Variants in TOMM34 observed in about 807,000 individuals in gnomAD.
TOMM34 encodes the protein translocase of outer mitochondrial membrane 34, also known as mitochondrial import receptor subunit TOM34.
In TOMM34, 24 loss-of-function variants were observed where a neutral mutation model predicts 37.4. The ratio of observed to expected loss-of-function variants is 0.64; its 90% CI spans 0.46 to 0.90. The LOEUF (loss-of-function observed/expected upper bound fraction) is 0.90. Among genes scored for constraint, TOMM34 ranks in the 40% least tolerant of loss-of-function variants. TOMM34 has a pLI of 0.00. For missense variants in TOMM34, 304 were observed against 375.6 expected (o/e 0.81, Z 1.58); for synonymous variants, 154 against 148.9 (o/e 1.03, Z -0.25).
At chr20:44,949,990 T>C (rs2067012799) in intron 4 of TOMM34, among the ~76,000 whole-genome samples, 1 of 152,238 alleles carries the variant, frequency 6.6e-6, no homozygotes, top group Non-Finnish European at 1.5e-5. Flanking sequence ...AGCTCCTTCA[T>C]TTTCATTGCT....
chr20:44,945,154 C>T (rs2066969543), intron 5 of TOMM34, among the ~76,000 whole-genome samples: 1 of 152,178 alleles, frequency 6.6e-6, no homozygotes, highest in Non-Finnish European at 1.5e-5. Context: ...TCTCTCTTTG[C>T]CCCAGACTTT....
intron 1 of TOMM34, 74 bp downstream of exon 1, chr20:44,960,133 C>A: frequency 6.7e-7 from 1 of 1,485,642 alleles, no homozygotes; most frequent in Non-Finnish European, 8.9e-7. Context: ...TGCTGGCCGC[C>A]GCGCGAGGCC....
chr20:44,948,786 C>G lies in TOMM34; in HGVS notation c.642G>C (p.Glu214Asp), dbSNP rs150881340. 9 of 1,614,070 alleles carry G rather than the reference C, an allele frequency of 5.6e-6. No individual in the cohort carries two copies. Among genetic ancestry groups the G allele is most frequent in the Non-Finnish European group, 6.8e-6 (8 of 1,180,028 alleles). The stretch of plus-strand genomic sequence containing the variant: ...TACACAAGAGGCTTTCACTGTACTT[C>G]TCAATAGCTTTCTTATGGTTTCCCT... ...VKKGNHKKAI[E>D]KYSESLLCSN... is the part of the protein sequence containing the mutation. Residue 214 changes from glutamate to aspartate, a missense_variant, in exon 5 of 7, where the codon GAG (glutamate) becomes GAC (aspartate). Transcript: ENST00000372813.
rs910134710 is a variant in TOMM34, at chr20:44,953,777, C to T, written c.380+1291G>A. On this transcript the variant is annotated intron_variant, in intron 3 of 6. Transcript: ENST00000372813. ...CTGACTGGTCCCATTGTTTTCTCTCCACCCTCTCCCCTGGATTGCTGCATG... is the reference window on the plus strand; with the variant it reads ...CTGACTGGTCCCATTGTTTTCTCTCTACCCTCTCCCCTGGATTGCTGCATG... 2.0e-5 allele frequency among the ~76,000 whole-genome samples: 3 copies of T among 152,156 alleles called. No individual in the cohort carries two copies. In the East Asian group the frequency reaches 5.8e-4, roughly 29 times the overall value.
chr20:44,947,342 C>G lies in TOMM34; in HGVS notation c.698+1388G>C, dbSNP rs558588768. Among the ~76,000 whole-genome samples, 169 of 152,298 alleles carry G rather than the reference C, an allele frequency of 1.1e-3. 1 individual carries two copies. The highest frequency in any genetic ancestry group is 3.7e-3 in the African/African-American group (154 of 41,538). On this transcript the variant is annotated intron_variant, in intron 5 of 6. Coordinates refer to ENST00000372813, the MANE Select transcript of TOMM34 (RefSeq NM_006809.5). ...ATTGGGCAGCAAAACCTGATCTGAA[C>G]TGACATGAAGCTATTTAGTTTCTCT...
At chr20:44,950,498 C>T (rs6073573) in intron 4 of TOMM34, among the ~76,000 whole-genome samples, 53 of 152,326 alleles carry the variant, frequency 3.5e-4, no homozygotes, top group Middle Eastern at 3.4e-3. Flanking sequence ...TCCTCTGTGT[C>T]ACACTGCTTA....
rs8113914 is a variant in TOMM34, at chr20:44,960,336, C to G, written c.-3G>C. The G allele has an allele frequency of 1.9e-6, 3 of 1,565,166 alleles. No individual in the cohort carries two copies. The highest frequency in any genetic ancestry group is 1.7e-6 in the Non-Finnish European group (2 of 1,155,258). On this transcript the variant is annotated 5_prime_UTR_variant, in exon 1 of 7. Coordinates refer to ENST00000372813, the MANE Select transcript of TOMM34 (RefSeq NM_006809.5). ...GAGTCTGGGAATTTGGGGGCCATCC[C>G]GTGGCCAGGCCGGCGAGTTGGGAGC... is the stretch of plus-strand genomic sequence containing the variant.
chr20:44,960,179 G>A (rs772241307), intron 1 of TOMM34, 28 bp downstream of exon 1: 5 of 1,546,720 alleles, frequency 3.2e-6, no homozygotes, highest in Middle Eastern at 1.8e-4. Context: ...GAGCAGGCCC[G>A]GAGGTGAGAT....
chr20:44,943,412 T>C, intron 6 of TOMM34, 41 bp downstream of exon 6: 1 of 1,613,660 alleles, frequency 6.2e-7, no homozygotes, highest in Non-Finnish European at 8.5e-7. Context: ...CATAAATCTC[T>C]GTAGCTATGT....
At chr20:44,951,235 A>G (rs1712437914) in intron 4 of TOMM34, among the ~76,000 whole-genome samples, 1 of 152,178 alleles carries the variant, frequency 6.6e-6, no homozygotes, top group African/African-American at 2.4e-5. Context: ...GCTATCAGAG[A>G]AAGACTTTCT....
chr20:44,960,259 G>T lies in TOMM34; in HGVS notation c.75C>A (p.Tyr25Ter). Residue 25 changes from tyrosine to a stop codon, truncating the protein, a stop_gained, in exon 1 of 7, where the codon TAC becomes TAA. Coordinates refer to ENST00000372813, the MANE Select transcript of TOMM34 (RefSeq NM_006809.5). LOFTEE classifies it high-confidence loss of function. ...AGNESFRNGQ[Y>*]AEASALYGRA... ...GGCCGTAGAGCGCGGAGGCCTCGGC[G>T]TACTGGCCGTTGCGGAAACTCTCAT... 6.4e-7 allele frequency: 1 copy of T among 1,572,704 alleles called. No individual in the cohort carries two copies. The highest frequency in any genetic ancestry group is 1.4e-5 in the African/African-American group (1 of 73,322).
At position 44,951,933 on chromosome 20, in the gene TOMM34, C is replaced by T. The variant is rs751386130; in HGVS notation, c.450G>A (p.Val150=). 6.2e-7 allele frequency: 1 copy of T among 1,614,114 alleles called. No homozygotes were observed. Among genetic ancestry groups the T allele is most frequent in the Non-Finnish European group, 8.5e-7 (1 of 1,179,990 alleles). Residue 150 remains valine (V), a synonymous_variant, in exon 4 of 7, where the codon GTG becomes GTA. Coordinates refer to ENST00000372813, the MANE Select transcript of TOMM34 (RefSeq NM_006809.5). ...WRLKLPSIPL[V]PVSAQKRWNS... is the part of the protein sequence containing the mutation. ...TCCACCTCTTCTGAGCTGAAACAGG[C>T]ACCAAGGGGATTGAGGGCAGCTTCA... is the stretch of plus-strand genomic sequence containing the variant.
chr20:44,960,392 C>T lies in TOMM34; in HGVS notation c.-59G>A. 4 of 1,451,898 alleles carry T rather than the reference C, an allele frequency of 2.8e-6. No homozygotes were observed. The highest frequency in any genetic ancestry group is 3.6e-6 in the Non-Finnish European group (4 of 1,097,972). The allele number at this position is 1,451,898 out of a possible 1,614,324, so 89.9% of individuals were successfully genotyped here. The stretch of plus-strand genomic sequence containing the variant: ...CCTTCCTCCCCCGTGTGGTGCGGCA[C>T]ACCTTCCGGGCGCAAGCGCCGGCGG... On this transcript the variant is annotated 5_prime_UTR_variant, in exon 1 of 7. It adds an upstream start codon to the 5' untranslated region. Coordinates refer to ENST00000372813, the MANE Select transcript of TOMM34 (RefSeq NM_006809.5).
chr20:44,947,340 A>C (rs4432517), intron 5 of TOMM34, among the ~76,000 whole-genome samples: 50,670 of 152,062 alleles, frequency 0.33, 9,408 homozygotes, highest in Admixed American at 0.49. Flanking sequence ...ACCTGATCTG[A>C]ACTGACATGA....
chr20:44,955,674 A>G (rs1225313118), intron 2 of TOMM34: 2 of 456,882 alleles, frequency 4.4e-6, no homozygotes. Context: ...CCTGGGACAC[A>G]TGGTAACCGT....
At chr20:44,960,164 TG>T (rs774907011) in intron 1 of TOMM34, 42 bp downstream of exon 1, 3 of 1,532,586 alleles carry the variant, frequency 2.0e-6, no homozygotes, top group Non-Finnish European at 1.8e-6. Context: ...TTGCGGGAGT[TG>T]GAGGAGCAGG....
intron 5 of TOMM34, among the ~76,000 whole-genome samples, chr20:44,943,875 T>C (rs962175121): frequency 1.3e-5 from 2 of 152,144 alleles, no homozygotes; most frequent in Non-Finnish European, 2.9e-5. Context: ...AGTTCTATCA[T>C]GCTGTACTGC....
At chr20:44,957,902 C>G (rs1394872684) in intron 1 of TOMM34, among the ~76,000 whole-genome samples, 1 of 152,080 alleles carries the variant, frequency 6.6e-6, no homozygotes, top group Non-Finnish European at 1.5e-5. Context: ...TTTGGCCTCC[C>G]AAAGTGTTGG....
At chr20:44,945,920 T>C (rs569208476) in intron 5 of TOMM34, among the ~76,000 whole-genome samples, 2 of 152,244 alleles carry the variant, frequency 1.3e-5, no homozygotes, top group South Asian at 4.2e-4. Context: ...TGCAGTGGCA[T>C]GATAACAGCT....
Sources: gnomAD v4.1 joint callset for allele counts (sites outside exome capture counted in the v4.1 genomes callset) on GRCh38, gnomAD v4.1.1 for gene constraint, MANE v1.5 for transcripts, NCBI Gene and HGNC (gene_info 2026-07-23, HGNC 2026-07-21) for gene names.